NPY1R: variants seen among roughly 807,000 people sequenced by gnomAD.
NPY1R encodes the protein neuropeptide Y receptor type 1.
NPY1R carries 10 observed loss-of-function variants against 24.1 expected under a neutral mutation model. That is an observed-to-expected ratio of 0.42 (90% CI 0.26 to 0.71). The LOEUF is 0.71. NPY1R is among the 30% of genes least tolerant of loss of function. NPY1R has a pLI of 0.28. For synonymous variants in NPY1R, 168 were observed against 165.9 expected, an observed-to-expected ratio of 1.01 and a Z score of -0.10; for missense variants, 350 against 458.0, an observed-to-expected ratio of 0.76 and a Z score of 2.15.
chr4:163,325,332 T>G lies in NPY1R; in HGVS notation c.1126A>C (p.Asn376His). The change falls in exon 3 of 3, where the codon AAC (asparagine) becomes CAC (histidine). Residue 376 changes from asparagine (N) to histidine (H), a missense_variant. Transcript: ENST00000296533. ...QASPVAFKKI[N>H]NNDDNEKI The stretch of plus-strand genomic sequence containing the variant: ...ATTTTTTCATTATCATCATTGTTGT[T>G]GATTTTTTTAAATGCGACTGGGCTT... 6.2e-7 allele frequency: 1 copy of G among 1,611,230 alleles called. No individual in the cohort carries two copies. Among genetic ancestry groups the G allele is most frequent in the African/African-American group, 1.3e-5 (1 of 74,698 alleles).
At chr4:163,343,022 G>A (rs1231491486) in intron 1 of NPY1R, among the ~76,000 whole-genome samples, 1 of 117,860 alleles carries the variant, frequency 8.5e-6, no homozygotes, top group African/African-American at 2.9e-5. Context: ...ACACACACGC[G>A]CGCGCGCCTA....
chr4:163,328,844 G>T (rs1734666151), intron 1 of NPY1R, among the ~76,000 whole-genome samples: 1 of 152,146 alleles, frequency 6.6e-6, no homozygotes, highest in Non-Finnish European at 1.5e-5. Context: ...AGAATCCTTA[G>T]TTGGCTCCTC....
rs146742827 is a variant in NPY1R at position 163,324,983 on chromosome 4, A to T, written c.*320T>A. 1 of 228,374 alleles carries T rather than the reference A, an allele frequency of 4.4e-6. No homozygotes were observed. The highest frequency in any genetic ancestry group is 1.0e-4 in the East Asian group (1 of 9,534). The allele number at this position is 228,374 out of a possible 1,614,324, so 14.1% of individuals were successfully genotyped here. ...TTGGATGGCAGGTACTTCTGAAGTC[A>T]GTTAATAGTAATACTTTAAAGAAAT... On this transcript the variant is annotated 3_prime_UTR_variant, in exon 3 of 3. Coordinates refer to ENST00000296533, the MANE Select transcript of NPY1R (RefSeq NM_000909.6).
In NPY1R at chr4:163,325,938, G is replaced by C. The variant is rs149471641; in HGVS notation, c.617C>G (p.Ser206Cys). Residue 206 changes from serine (S) to cysteine (C), a missense_variant, in exon 2 of 3, where the codon TCT becomes TGT. Physicochemically the swap from Ser to Cys is moderately radical, Grantham distance 112. Transcript: ENST00000296533. ...YVCFDQFPSDSHRLSYTTLLL... is the reference protein window; with the variant it reads ...YVCFDQFPSDCHRLSYTTLLL... ...GAGAGTGGTATAAGACAACCTATGA[G>C]AGTCCGATGGAAATTGATCAAAGCA... 6.2e-7 allele frequency: 1 copy of C among 1,614,012 alleles called. No homozygotes were observed. Among genetic ancestry groups the C allele is most frequent in the Admixed American group, 1.7e-5 (1 of 60,008 alleles).
intron 1 of NPY1R, among the ~76,000 whole-genome samples, chr4:163,339,370 C>T (rs1734921809): frequency 6.6e-6 from 1 of 152,078 alleles, no homozygotes; most frequent in African/African-American, 2.4e-5. Flanking sequence ...GAATGAATTA[C>T]CCAGGAATAT....
Position 163,326,657 on chromosome 4 carries a change from C to A in NPY1R, c.-103G>T, listed in dbSNP as rs1734616730. 2.9e-6 allele frequency: 2 copies of A among 701,588 alleles called. No homozygotes were observed. The allele number at this position is 701,588 out of a possible 1,614,324, so 43.5% of individuals were successfully genotyped here. ...TTATTCTTATTCCCCATATTGGAAT[C>A]CATTTACCAAAATTATTCTGAATTC... On this transcript the variant is annotated 5_prime_UTR_variant, in exon 2 of 3. Transcript: ENST00000296533.
At chr4:163,331,951 T>C (rs1734739808) in intron 1 of NPY1R, among the ~76,000 whole-genome samples, 1 of 152,122 alleles carries the variant, frequency 6.6e-6, no homozygotes, top group South Asian at 2.1e-4. Flanking sequence ...CGAGGGCTAC[T>C]CCCACCTCCG....
At chr4:163,344,331 C>G (rs886926180) in exon 1 of NPY1R, 1 of 152,424 alleles carries the variant, frequency 6.6e-6, no homozygotes, top group South Asian at 2.1e-4. Flanking sequence ...CGGGCCGAAC[C>G]CGGGAGGAGA....
At chr4:163,340,229 G>A (rs572377169) in intron 1 of NPY1R, among the ~76,000 whole-genome samples, 1 of 151,712 alleles carries the variant, frequency 6.6e-6, no homozygotes, top group East Asian at 1.9e-4. Context: ...AACTACAAAA[G>A]GAAATAATTG....
At chr4:163,331,912 G>A (rs1033485742) in intron 1 of NPY1R, among the ~76,000 whole-genome samples, 15 of 152,198 alleles carry the variant, frequency 9.9e-5, no homozygotes, top group Admixed American at 6.5e-4. Context: ...CCCGCAAGTG[G>A]GGGTGGGCTT....
At position 163,325,450 on chromosome 4, in the gene NPY1R, G is replaced by A. The variant is rs1734582443; in HGVS notation, c.1008C>T (p.Asn336=). The A allele has an allele frequency of 6.2e-7, 1 of 1,614,098 alleles. No homozygotes were observed. The highest frequency in any genetic ancestry group is 1.3e-5 in the African/African-American group (1 of 75,046). ...NFQRDLQFFF[N]FCDFRSRDDD... is the part of the protein sequence containing the mutation. ...CATCCCGAGACCGGAAATCACAAAA[G>A]TTGAAGAAGAACTGCAAGTCTCTCT... The change falls in exon 3 of 3, where the codon AAC becomes AAT. Residue 336 remains asparagine, a synonymous_variant. Transcript: ENST00000296533.
chr4:163,342,739 G>A (rs1270322784), intron 1 of NPY1R, among the ~76,000 whole-genome samples: 2 of 152,230 alleles, frequency 1.3e-5, no homozygotes. Flanking sequence ...CTGTAACAGT[G>A]ATGTCTGCCC....
Position 163,326,054 on chromosome 4 carries a change from C to T in NPY1R, c.501G>A (p.Val167=), listed in dbSNP as rs760387451. ...VGIAVIWVLA[V]ASSLPFLIYQ... ...AGATCAGGAAAGGCAAAGAAGAAGCCACAGCAAGGACCCAAATCACAGCAA... is the reference window on the plus strand; with the variant it reads ...AGATCAGGAAAGGCAAAGAAGAAGCTACAGCAAGGACCCAAATCACAGCAA... Residue 167 remains valine (V), a synonymous_variant, in exon 2 of 3, where the codon GTG becomes GTA. Transcript: ENST00000296533. 5.3e-5 allele frequency: 86 copies of T among 1,613,942 alleles called. No individual in the cohort carries two copies. Among genetic ancestry groups the T allele is most frequent in the Non-Finnish European group, 7.2e-5 (85 of 1,179,964 alleles).
chr4:163,327,204 T>C (rs1366607109), intron 1 of NPY1R, among the ~76,000 whole-genome samples: 3 of 152,332 alleles, frequency 2.0e-5, no homozygotes, highest in African/African-American at 7.2e-5. Context: ...GCAGATGTTA[T>C]TCAGCACAAA....
intron 1 of NPY1R, among the ~76,000 whole-genome samples, chr4:163,331,870 G>A (rs1388708853): frequency 2.0e-5 from 3 of 152,234 alleles, no homozygotes; most frequent in Non-Finnish European, 4.4e-5. Flanking sequence ...GTACTGCGGA[G>A]CGCGGCTCGA....
chr4:163,336,167 A>G (rs1044781973), upstream of NPY1R, among the ~76,000 whole-genome samples: 4 of 152,194 alleles, frequency 2.6e-5, no homozygotes, highest in Admixed American at 1.3e-4. Context: ...ATTTTGTTAC[A>G]TGGGCTGCAT....
At chr4:163,342,303 A>G (rs960150612) in intron 1 of NPY1R, among the ~76,000 whole-genome samples, 1 of 152,244 alleles carries the variant, frequency 6.6e-6, no homozygotes, top group Non-Finnish European at 1.5e-5. Flanking sequence ...GTTCACTTGG[A>G]ATTTGTTTTA....
intron 1 of NPY1R, among the ~76,000 whole-genome samples, chr4:163,341,358 C>G (rs1243571901): frequency 6.6e-6 from 1 of 152,060 alleles, no homozygotes; most frequent in Non-Finnish European, 1.5e-5. Context: ...TAAAATAATA[C>G]TGTTTTCTCT....
upstream of NPY1R, among the ~76,000 whole-genome samples, chr4:163,334,112 T>C (rs1560859021): frequency 1.3e-5 from 2 of 152,190 alleles, no homozygotes; most frequent in Admixed American, 1.3e-4. Flanking sequence ...CATTCAGGTT[T>C]CTATGCATCC....
Sources: gnomAD v4.1 joint callset for allele counts (sites outside exome capture counted in the v4.1 genomes callset) on GRCh38, gnomAD v4.1.1 for gene constraint, MANE v1.5 for transcripts, NCBI Gene and HGNC (gene_info 2026-07-23, HGNC 2026-07-21) for gene names.